TTBK2: variants seen among roughly 807,000 people sequenced by gnomAD.
TTBK2 encodes the protein tau-tubulin kinase 2.
In TTBK2, 28 loss-of-function variants were observed where a neutral mutation model predicts 110.8. That is an observed-to-expected ratio of 0.25 (90% CI 0.19 to 0.35). TTBK2 has a LOEUF of 0.35. Among genes scored for constraint, TTBK2 ranks in the 10% least tolerant of loss-of-function variants. TTBK2 has a pLI of 1.00. For synonymous variants in TTBK2, 532 were observed against 527.3 expected, an observed-to-expected ratio of 1.01 and a Z score of -0.12; for missense variants, 1,369 against 1,500.3, an observed-to-expected ratio of 0.91 and a Z score of 1.45.
At chr15:42,750,777 A>C (rs2061854941) in intron 14 of TTBK2, among the ~76,000 whole-genome samples, 1 of 152,200 alleles carries the variant, frequency 6.6e-6, no homozygotes. Flanking sequence ...AACAAACTCG[A>C]AGTAGGATGA....
Position 42,752,186 on chromosome 15 carries a change from G to C in TTBK2, c.3060C>G (p.Leu1020=), listed in dbSNP as rs55735086. ...CTACTGTCAGTCTTGAAAAGGGAGT[G>C]AGCACTTCCTCCTCACAAAAGGGAG... is the stretch of plus-strand genomic sequence containing the variant. ...VPAPFCEEEV[L]TPFSRLTVDS... The change falls in exon 14 of 15, where the codon CTC becomes CTG. Residue 1020 remains leucine, a synonymous_variant. Coordinates refer to ENST00000267890, the MANE Select transcript of TTBK2 (RefSeq NM_173500.4). 6.2e-7 allele frequency: 1 copy of C among 1,614,202 alleles called. No individual in the cohort carries two copies. The highest frequency in any genetic ancestry group is 8.5e-7 in the Non-Finnish European group (1 of 1,180,038).
In TTBK2 at chr15:42,810,752, G is replaced by A. The variant is rs538616514; in HGVS notation, c.697-13C>T. On this transcript the variant is annotated splice_polypyrimidine_tract_variant and intron_variant, in intron 8 of 14. Transcript: ENST00000267890. ...AGCCTACTTGCTCCTGGGAAGTAAAGAGAAAAAGAGCTACAGTCAATTTCT... is the reference window on the plus strand; with the variant it reads ...AGCCTACTTGCTCCTGGGAAGTAAAAAGAAAAAGAGCTACAGTCAATTTCT... 3.7e-6 allele frequency: 6 copies of A among 1,613,302 alleles called. No individual in the cohort carries two copies. In the Admixed American group the frequency reaches 6.7e-5, roughly 18 times the overall value.
rs763472711 is a variant in TTBK2 at position 42,811,799 on chromosome 15, A to G, written c.604-19T>C. ...CCATTTCCTTCATAAACAAAACAGA[A>G]TCCAGTCACATAACATTATTACTTG... On this transcript the variant is annotated intron_variant, in intron 7 of 14. Coordinates refer to ENST00000267890, the MANE Select transcript of TTBK2 (RefSeq NM_173500.4). 13 of 1,602,670 alleles carry G rather than the reference A, an allele frequency of 8.1e-6. No individual in the cohort carries two copies. In the South Asian group the frequency reaches 1.4e-4, roughly 18 times the overall value.
chr15:42,920,095 T>C (rs965152230), intron 1 of TTBK2, among the ~76,000 whole-genome samples: 5 of 151,994 alleles, frequency 3.3e-5, no homozygotes, highest in African/African-American at 9.7e-5. Context: ...ATCCTTCGTG[T>C]TCGGTGCTGG....
intron 1 of TTBK2, among the ~76,000 whole-genome samples, chr15:42,886,643 C>T (rs964238029): frequency 1.4e-4 from 21 of 152,308 alleles, no homozygotes; most frequent in Admixed American, 2.6e-4. Flanking sequence ...TAATTAACCT[C>T]ACCTTCAAGG....
intron 11 of TTBK2, among the ~76,000 whole-genome samples, chr15:42,777,529 C>T: frequency 6.6e-6 from 1 of 152,136 alleles, no homozygotes; most frequent in South Asian, 2.1e-4. Context: ...TGAATTATGT[C>T]TGACATGAGG....
chr15:42,858,998 CAGCATTCT>C (rs1239114265), intron 3 of TTBK2, among the ~76,000 whole-genome samples: 2 of 152,186 alleles, frequency 1.3e-5, no homozygotes, highest in African/African-American at 4.8e-5. Flanking sequence ...AAATATGCCA[CAGCATTCT>C]GTTCTTCCTA....
At chr15:42,864,573 A>C (rs1894289706) in intron 3 of TTBK2, among the ~76,000 whole-genome samples, 1 of 152,030 alleles carries the variant, frequency 6.6e-6, no homozygotes. Context: ...AATAAGAACG[A>C]AACTCCATCT....
At chr15:42,836,712 C>T (rs1282377834) in intron 4 of TTBK2, among the ~76,000 whole-genome samples, 2 of 152,126 alleles carry the variant, frequency 1.3e-5, no homozygotes, top group African/African-American at 4.8e-5. Flanking sequence ...TATGCTAAGA[C>T]TCAGAAAGAC....
chr15:42,801,053 G>A (rs753575012), intron 9 of TTBK2: 3 of 768,990 alleles, frequency 3.9e-6, no homozygotes, highest in South Asian at 2.7e-5. Flanking sequence ...AGGAGCTGGT[G>A]TGGCTGAAGG....
At chr15:42,909,825 T>C (rs1240287615) in intron 1 of TTBK2, among the ~76,000 whole-genome samples, 1 of 151,984 alleles carries the variant, frequency 6.6e-6, no homozygotes, top group Non-Finnish European at 1.5e-5. Context: ...AAAGCAAAAA[T>C]ATTATTATCA....
At chr15:42,882,951 G>A (rs896399049) in intron 1 of TTBK2, among the ~76,000 whole-genome samples, 112 of 152,300 alleles carry the variant, frequency 7.4e-4, no homozygotes, top group African/African-American at 2.5e-3. Flanking sequence ...TGGAGGAAGA[G>A]CAATAGAAAT....
At chr15:42,861,541 T>A (rs1894158264) in intron 3 of TTBK2, among the ~76,000 whole-genome samples, 1 of 151,998 alleles carries the variant, frequency 6.6e-6, no homozygotes, top group Non-Finnish European at 1.5e-5. Context: ...ATCATTGAAA[T>A]TAATAAAAAT....
chr15:42,767,041 A>C (rs866994074), intron 13 of TTBK2, among the ~76,000 whole-genome samples: 1 of 152,194 alleles, frequency 6.6e-6, no homozygotes, highest in African/African-American at 2.4e-5. Context: ...CTACTGGGTA[A>C]ATAACAAAAT....
chr15:42,752,703 G>T lies in TTBK2; in HGVS notation c.2543C>A (p.Thr848Lys). The T allele has an allele frequency of 6.2e-7, 1 of 1,614,108 alleles. No homozygotes were observed. Among genetic ancestry groups the T allele is most frequent in the Non-Finnish European group, 8.5e-7 (1 of 1,180,028 alleles). Residue 848 changes from threonine (T) to lysine (K), a missense_variant, in exon 14 of 15, where the codon ACA becomes AAA. Around this residue, in one of 4 missense-constraint regions of TTBK2, gnomAD observed 1,097 missense variants for 1,114.7 expected, o/e 0.98. Transcript: ENST00000267890. Reference protein sequence around the residue: ...DKNNEIMKLLTVGTSEISSRD... With the variant: ...DKNNEIMKLLKVGTSEISSRD... ...GGAAGAAATTTCTGAAGTTCCAACT[G>T]TCAGAAGCTTCATTATCTCATTATT... is the stretch of plus-strand genomic sequence containing the variant.
chr15:42,827,883 C>G (rs1892596609), intron 6 of TTBK2, 45 bp downstream of exon 6: 1 of 1,476,590 alleles, frequency 6.8e-7, no homozygotes, highest in Non-Finnish European at 9.4e-7. Context: ...ACTATAAATA[C>G]CAGGGTAATT....
At chr15:42,801,575 C>T (rs1253139298) in intron 9 of TTBK2, 8 of 771,028 alleles carry the variant, frequency 1.0e-5, no homozygotes, top group East Asian at 2.5e-5. Flanking sequence ...CTAGTACATG[C>T]TCTCAGCCTC....
chr15:42,795,751 G>A (rs1284389472), intron 9 of TTBK2, among the ~76,000 whole-genome samples: 1 of 150,820 alleles, frequency 6.6e-6, no homozygotes, highest in Admixed American at 6.6e-5. Context: ...GCTGAGGCAT[G>A]AGAATTGCTT....
chr15:42,763,167 T>TAC lies in TTBK2; in HGVS notation c.1999-9921_1999-9920insGT, dbSNP rs1567008862. The stretch of plus-strand genomic sequence containing the variant: ...ACATATATATATATACATATATATA[T>TAC]ATATATATATATATATATATATATA... On this transcript the variant is annotated intron_variant, in intron 13 of 14. Transcript: ENST00000267890. Among the ~76,000 whole-genome samples the TAC allele has an allele frequency of 3.3e-3, 46 of 13,978 alleles. 1 individual carries two copies. The highest frequency in any genetic ancestry group is 3.6e-3 in the Non-Finnish European group (27 of 7,518). The allele number at this position is 13,978 out of a possible 152,430, so 9.2% of individuals were successfully genotyped here. A position where few individuals can be genotyped will look rare whatever the true frequency, so the allele number is the denominator to read the frequency against.
Sources: allele counts gnomAD v4.1 joint callset (sites outside exome capture counted in the v4.1 genomes callset), GRCh38; gene constraint gnomAD v4.1.1; regional missense constraint gnomAD v4.1.1; transcripts MANE v1.5; gene names NCBI Gene and HGNC (gene_info 2026-07-23, HGNC 2026-07-21).